Variants in TNS3 observed in about 807,000 individuals in gnomAD.
TNS3 encodes tensin-3.
In TNS3, 45 loss-of-function variants were observed where a neutral mutation model predicts 140.9. The observed-to-expected ratio is 0.32, with a 90% CI of 0.25 to 0.41. TNS3 has a LOEUF of 0.41. Ranked by LOEUF, TNS3 falls within the 10% of genes least tolerant of loss-of-function variation. TNS3 has a pLI of 1.00. For missense variants in TNS3, 1,716 were observed against 1,906.7 expected, an observed-to-expected ratio of 0.90 and a Z score of 1.86; for synonymous variants, 815 against 788.4, an observed-to-expected ratio of 1.03 and a Z score of -0.56.
chr7:47,526,264 C>A (rs1010347797), intron 2 of TNS3, among the ~76,000 whole-genome samples: 2 of 152,148 alleles, frequency 1.3e-5, no homozygotes, highest in Admixed American at 6.6e-5. Context: ...GTATAACCAA[C>A]CTAGTGCAGC....
intron 1 of TNS3, among the ~76,000 whole-genome samples, chr7:47,534,672 CATT>C (rs1799538569): frequency 6.6e-6 from 1 of 152,204 alleles, no homozygotes; most frequent in Non-Finnish European, 1.5e-5. Context: ...TATCTATATA[CATT>C]TAAGGTACTG....
chr7:47,542,915 T>G (rs1799828138), intron 1 of TNS3, among the ~76,000 whole-genome samples: 1 of 111,520 alleles, frequency 9.0e-6, no homozygotes, highest in Non-Finnish European at 1.8e-5. Context: ...CGGGGAACAG[T>G]GCAAGACTGT....
At chr7:47,569,415 G>A (rs962697588) in intron 1 of TNS3, among the ~76,000 whole-genome samples, 1 of 151,822 alleles carries the variant, frequency 6.6e-6, no homozygotes, top group Non-Finnish European at 1.5e-5. Flanking sequence ...GTGGTGATGG[G>A]CGCCTGTAAT....
At chr7:47,346,143 G>T (rs116836184) in intron 18 of TNS3, 44 bp downstream of exon 18, 1 of 1,603,334 alleles carries the variant, frequency 6.2e-7, no homozygotes, top group Non-Finnish European at 8.5e-7. Flanking sequence ...ACAAGAAAGG[G>T]AGTGGAATGG....
intron 1 of TNS3, among the ~76,000 whole-genome samples, chr7:47,529,552 T>A (rs1799319810): frequency 6.6e-6 from 1 of 152,228 alleles, no homozygotes; most frequent in Non-Finnish European, 1.5e-5. Context: ...AAAAAGTAAT[T>A]AGCTAAACAG....
chr7:47,533,034 A>G (rs1799462118), intron 1 of TNS3, among the ~76,000 whole-genome samples: 1 of 149,592 alleles, frequency 6.7e-6, no homozygotes, highest in East Asian at 2.0e-4. Context: ...AAACCTTGCC[A>G]TATTAATAAT....
At chr7:47,536,366 G>T (rs575592673) in intron 1 of TNS3, among the ~76,000 whole-genome samples, 2 of 135,664 alleles carry the variant, frequency 1.5e-5, no homozygotes, top group African/African-American at 5.4e-5. Context: ...GCTGAACCTA[G>T]CGGGGAGCCA....
At chr7:47,493,262 T>C (rs1330754215) in intron 3 of TNS3, among the ~76,000 whole-genome samples, 4 of 152,132 alleles carry the variant, frequency 2.6e-5, no homozygotes, top group Non-Finnish European at 5.9e-5. Context: ...CAACCTCTCA[T>C]TCATTCATTC....
intron 10 of TNS3, among the ~76,000 whole-genome samples, chr7:47,419,024 C>G (rs1035995700): frequency 1.3e-5 from 2 of 152,282 alleles, no homozygotes; most frequent in Non-Finnish European, 2.9e-5. Flanking sequence ...GCTGGGCCAC[C>G]TGTTGGTGTC....
At chr7:47,470,163 G>A (rs970691374) in intron 4 of TNS3, among the ~76,000 whole-genome samples, 2 of 151,982 alleles carry the variant, frequency 1.3e-5, no homozygotes, top group Admixed American at 1.3e-4. Flanking sequence ...AGCACACTGA[G>A]CACACGTGAA....
intron 2 of TNS3, among the ~76,000 whole-genome samples, chr7:47,509,575 T>C (rs1445657216): frequency 3.9e-5 from 6 of 152,180 alleles, no homozygotes; most frequent in Admixed American, 6.5e-5. Flanking sequence ...CCAGCCCGTC[T>C]GTGCATCAAA....
chr7:47,429,653 G>C (rs1358859493), intron 8 of TNS3, among the ~76,000 whole-genome samples: 2 of 152,184 alleles, frequency 1.3e-5, no homozygotes, highest in Non-Finnish European at 2.9e-5. Context: ...GGGACTACAG[G>C]CGTGAGCCAC....
chr7:47,537,079 G>A (rs905037098), intron 1 of TNS3, among the ~76,000 whole-genome samples: 3 of 151,856 alleles, frequency 2.0e-5, no homozygotes, highest in African/African-American at 7.2e-5. Context: ...CCCTCCCGGT[G>A]GCCCAGGGGT....
At chr7:47,436,546 T>C (rs1374990704) in intron 7 of TNS3, among the ~76,000 whole-genome samples, 2 of 152,154 alleles carry the variant, frequency 1.3e-5, no homozygotes, top group African/African-American at 4.8e-5. Flanking sequence ...TATGTGTATC[T>C]ATGTAACAAA....
intron 27 of TNS3, among the ~76,000 whole-genome samples, chr7:47,290,865 C>T (rs1380990760): frequency 6.6e-6 from 1 of 152,204 alleles, no homozygotes; most frequent in African/African-American, 2.4e-5. Flanking sequence ...CTTATATCCA[C>T]TCAAAAACCT....
chr7:47,470,949 T>G (rs1186244878), intron 4 of TNS3, among the ~76,000 whole-genome samples: 44 of 147,870 alleles, frequency 3.0e-4, no homozygotes, highest in South Asian at 6.5e-4. Context: ...TTTTGTTTTT[T>G]GTTTTTTTTT....
rs1473885610 is a variant in TNS3 at position 47,384,497 on chromosome 7, T to C, written c.1024+12303A>G. ...TCACCGGCATTTCTGTGGCTTCTCC[T>C]GGGAAACCATCAACATTTTATTGAG... On this transcript the variant is annotated intron_variant, in intron 16 of 30. Transcript: ENST00000311160. Among the ~76,000 whole-genome samples the C allele has an allele frequency of 2.6e-5, 4 of 152,248 alleles. No homozygotes were observed. The East Asian group carries it at 7.7e-4, about 29-fold the overall frequency.
chr7:47,327,317 TG>T (rs1243198745), intron 20 of TNS3, among the ~76,000 whole-genome samples: 5 of 152,378 alleles, frequency 3.3e-5, no homozygotes, highest in Non-Finnish European at 7.3e-5. Context: ...ATACTCTCTT[TG>T]CTTGCTTCAA....
chr7:47,304,941 G>C lies in TNS3; in HGVS notation c.2713C>G (p.Pro905Ala), dbSNP rs1786658838. 1 of 1,428,096 alleles carries C rather than the reference G, an allele frequency of 7.0e-7. No homozygotes were observed. The allele number at this position is 1,428,096 out of a possible 1,614,324, so 88.5% of individuals were successfully genotyped here. A position where few individuals can be genotyped will look rare whatever the true frequency, so the allele number is the denominator to read the frequency against. Residue 905 changes from proline to alanine, a missense_variant, in exon 21 of 31, where the codon CCC becomes GCC. Pro to Ala is a conservative substitution (Grantham distance 27, BLOSUM62 -1). Around this residue, in one of 3 missense-constraint regions of TNS3, gnomAD observed 1,163 missense variants for 1,182.1 expected, o/e 0.98. Coordinates refer to ENST00000311160, the MANE Select transcript of TNS3 (RefSeq NM_022748.12). Reference protein sequence around the residue: ...AVGMSESPIGPKSTMLRADAS... With the variant: ...AVGMSESPIGAKSTMLRADAS... ...TCAGCCCGGAGCATCGTGGATTTGG[G>C]TCCGATGGGGCTCTCTGACATCCCC...
Sources: allele counts gnomAD v4.1 joint callset (sites outside exome capture counted in the v4.1 genomes callset), GRCh38; gene constraint gnomAD v4.1.1; regional missense constraint gnomAD v4.1.1; transcripts MANE v1.5; gene names NCBI Gene and HGNC (gene_info 2026-07-23, HGNC 2026-07-21).